Variants in CALN1 observed in about 807,000 individuals in gnomAD.
CALN1 encodes calcium-binding protein 8.
A neutral mutation model predicts 30.6 loss-of-function variants in CALN1; 17 were observed. That is an observed-to-expected ratio of 0.56 (90% CI 0.38 to 0.83). The LOEUF (loss-of-function observed/expected upper bound fraction) is 0.83. CALN1 is among the 40% of genes least tolerant of loss of function. The pLI is 0.00. For missense variants in CALN1, 291 were observed against 354.9 expected, an observed-to-expected ratio of 0.82 and a Z score of 1.45; for synonymous variants, 156 against 131.4, an observed-to-expected ratio of 1.19 and a Z score of -1.28.
At chr7:71,891,483 T>C (rs1341865598) in intron 5 of CALN1, among the ~76,000 whole-genome samples, 1 of 152,226 alleles carries the variant, frequency 6.6e-6, no homozygotes, top group Admixed American at 6.5e-5. Context: ...TTATTTATCC[T>C]AGACTCCCAC....
intron 3 of CALN1, among the ~76,000 whole-genome samples, chr7:72,213,756 C>G (rs1043643327): frequency 6.6e-6 from 1 of 152,146 alleles, no homozygotes; most frequent in African/African-American, 2.4e-5. Context: ...CAGCAATGCA[C>G]TCCACTCCAG....
chr7:72,045,487 GTGAGAGCC>G (rs1275566900), intron 4 of CALN1, among the ~76,000 whole-genome samples: 2 of 152,302 alleles, frequency 1.3e-5, no homozygotes, highest in East Asian at 3.9e-4. Context: ...AATGCAATGA[GTGAGAGCC>G]ACAGGCAGCT....
intron 5 of CALN1, among the ~76,000 whole-genome samples, chr7:71,922,615 AAT>A (rs1795012145): frequency 7.2e-6 from 1 of 139,410 alleles, no homozygotes; most frequent in Non-Finnish European, 1.5e-5. Context: ...TAACACACAG[AAT>A]ATATTATATA....
chr7:72,216,754 T>C (rs985438507), intron 3 of CALN1, among the ~76,000 whole-genome samples: 2 of 152,152 alleles, frequency 1.3e-5, no homozygotes, highest in Non-Finnish European at 2.9e-5. Context: ...CTTCACAGCA[T>C]TGTTTTTTGG....
At chr7:72,220,215 T>C (rs1325862246) in intron 3 of CALN1, among the ~76,000 whole-genome samples, 3 of 111,702 alleles carry the variant, frequency 2.7e-5, no homozygotes, top group African/African-American at 3.6e-5. Context: ...CAACAGTCCC[T>C]GGAGTGTGAT....
At position 72,399,814 on chromosome 7, in the gene CALN1, G is replaced by A. The variant is rs111735411; in HGVS notation, c.119+3437C>T. 6.4e-3 allele frequency among the ~76,000 whole-genome samples: 969 copies of A among 152,284 alleles called. 5 individuals are homozygous for A. Among genetic ancestry groups the A allele is most frequent in the African/African-American group, 0.022 (928 of 41,570 alleles). Reference sequence around the variant, plus strand: ...GATTCCGTGTTGGAGATGGGGCCTAGTGGGAGGTGTTTGGGTCATGCAGGC... The same window carrying A: ...GATTCCGTGTTGGAGATGGGGCCTAATGGGAGGTGTTTGGGTCATGCAGGC... On this transcript the variant is annotated intron_variant, in intron 2 of 6. Transcript: ENST00000395275.
chr7:72,146,826 T>C (rs188595544), intron 3 of CALN1, among the ~76,000 whole-genome samples: 1 of 152,144 alleles, frequency 6.6e-6, no homozygotes. Flanking sequence ...CATCTACAAC[T>C]ATCTGATCTT....
chr7:72,013,760 A>C (rs183277270), intron 5 of CALN1, among the ~76,000 whole-genome samples: 3 of 152,238 alleles, frequency 2.0e-5, no homozygotes, highest in Admixed American at 6.5e-5. Flanking sequence ...ATGTAATTAT[A>C]CTGTAAATTC....
intron 3 of CALN1, among the ~76,000 whole-genome samples, chr7:72,199,304 A>C (rs895374988): frequency 2.0e-5 from 3 of 152,090 alleles, no homozygotes; most frequent in Non-Finnish European, 4.4e-5. Flanking sequence ...CAATCAATCA[A>C]TAAGTTCTAA....
chr7:72,178,150 G>A (rs1340193562), intron 3 of CALN1, among the ~76,000 whole-genome samples: 1 of 152,158 alleles, frequency 6.6e-6, no homozygotes, highest in Admixed American at 6.6e-5. Context: ...GGAGAATAAG[G>A]CCCAATGTGT....
chr7:71,844,706 T>A (rs1025523313), intron 5 of CALN1, among the ~76,000 whole-genome samples: 3 of 152,132 alleles, frequency 2.0e-5, no homozygotes, highest in African/African-American at 7.2e-5. Flanking sequence ...AAATCCTGGC[T>A]AAACTAAGAA....
intron 2 of CALN1, among the ~76,000 whole-genome samples, chr7:72,335,090 G>A (rs1301914276): frequency 2.0e-5 from 3 of 152,168 alleles, no homozygotes; most frequent in Non-Finnish European, 2.9e-5. Context: ...GAGGTCTGAG[G>A]TGACACCTGG....
chr7:71,975,718 C>T (rs1798068732), intron 5 of CALN1, among the ~76,000 whole-genome samples: 1 of 151,854 alleles, frequency 6.6e-6, no homozygotes, highest in African/African-American at 2.4e-5. Context: ...GTGTGAGCCA[C>T]CACACCCGGC....
At chr7:72,270,092 CGTGTGTGTGTGTGTGTATGTATGT>C (rs1376191399) in intron 3 of CALN1, among the ~76,000 whole-genome samples, 1 of 149,618 alleles carries the variant, frequency 6.7e-6, no homozygotes, top group Non-Finnish European at 1.5e-5. Context: ...TGGGTGTTTC[CGTGTGTGTGTGTGTGTATGTATGT>C]GTGTGTGTGT....
chr7:72,242,835 C>T (rs978874646), intron 3 of CALN1, among the ~76,000 whole-genome samples: 1 of 152,030 alleles, frequency 6.6e-6, no homozygotes, highest in African/African-American at 2.4e-5. Flanking sequence ...TTGCAGTAAG[C>T]CAATATTACA....
At chr7:71,937,551 T>C (rs1432353572) in intron 5 of CALN1, among the ~76,000 whole-genome samples, 1 of 152,166 alleles carries the variant, frequency 6.6e-6, no homozygotes, top group Non-Finnish European at 1.5e-5. Flanking sequence ...CAATCATAGC[T>C]CACTGAAGCC....
At chr7:72,458,914 GTTTGT>G in the CALN1 span, among the ~76,000 whole-genome samples, 1 of 143,536 alleles carries the variant, frequency 7.0e-6, no homozygotes, top group Non-Finnish European at 1.5e-5. Flanking sequence ...TTTTTTGTTT[GTTTGT>G]TTTTGTTTTG....
chr7:72,177,756 A>AGGG (rs1562694018), intron 3 of CALN1, among the ~76,000 whole-genome samples: 9 of 151,044 alleles, frequency 6.0e-5, no homozygotes, highest in African/African-American at 2.2e-4. Flanking sequence ...CAGAGGGAAA[A>AGGG]AAAAAAAAAA....
At chr7:71,926,138 A>G (rs1344718844) in intron 5 of CALN1, among the ~76,000 whole-genome samples, 2 of 152,054 alleles carry the variant, frequency 1.3e-5, no homozygotes, top group African/African-American at 4.8e-5. Context: ...CTAACTCCCC[A>G]CATGCTCGGG....
Sources: gnomAD v4.1 joint callset for allele counts (sites outside exome capture counted in the v4.1 genomes callset) on GRCh38, gnomAD v4.1.1 for gene constraint, MANE v1.5 for transcripts, NCBI Gene and HGNC (gene_info 2026-07-23, HGNC 2026-07-21) for gene names.